Variants in PREX1 observed in about 807,000 individuals in gnomAD.
The protein encoded by PREX1 is phosphatidylinositol 3,4,5-trisphosphate-dependent Rac exchanger 1 protein.
Under a neutral mutation model 198.3 loss-of-function variants are expected in PREX1, and 41 were observed. That is an observed-to-expected ratio of 0.21 (90% confidence interval 0.16 to 0.27). The LOEUF (loss-of-function observed/expected upper bound fraction) is 0.27. Ranked by LOEUF, PREX1 falls within the 10% of genes least tolerant of loss-of-function variation. PREX1 has a pLI of 1.00. For synonymous variants in PREX1, 843 were observed against 887.2 expected, an observed-to-expected ratio of 0.95 and a Z score of 0.89; for missense variants, 1,620 against 2,200.7, an observed-to-expected ratio of 0.74 and a Z score of 5.28.
intron 1 of PREX1, among the ~76,000 whole-genome samples, chr20:48,764,739 G>A (rs1324000997): frequency 4.1e-5 from 6 of 144,916 alleles, no homozygotes; most frequent in Non-Finnish European, 7.5e-5. Flanking sequence ...CCAAGATAGC[G>A]CCACTACACT....
At chr20:48,752,700 C>A (rs1460926003) in intron 1 of PREX1, among the ~76,000 whole-genome samples, 1 of 152,124 alleles carries the variant, frequency 6.6e-6, no homozygotes, top group Non-Finnish European at 1.5e-5. Flanking sequence ...TTCTTGGCTG[C>A]CTTCTCCTCC....
the PREX1 span, among the ~76,000 whole-genome samples, chr20:48,847,881 TC>T: frequency 1.3e-5 from 2 of 152,250 alleles, no homozygotes; most frequent in Non-Finnish European, 2.9e-5. Flanking sequence ...CTTTTTTGTG[TC>T]TGGTTTCTTT....
intron 1 of PREX1, among the ~76,000 whole-genome samples, chr20:48,824,816 G>C (rs1030238340): frequency 1.3e-5 from 2 of 151,980 alleles, no homozygotes; most frequent in African/African-American, 4.8e-5. Context: ...TCCTCTCCTT[G>C]AGGACAGAAG....
chr20:48,853,314 T>C, the PREX1 span, among the ~76,000 whole-genome samples: 1 of 152,110 alleles, frequency 6.6e-6, no homozygotes, highest in Admixed American at 6.5e-5. Flanking sequence ...GGGTAATTTA[T>C]AAAGAAAAGA....
rs193013513 is a variant in PREX1, at chr20:48,677,279, T to C, written c.1590-1011A>G. Among the ~76,000 whole-genome samples, 696 of 152,254 alleles carry C rather than the reference T, an allele frequency of 4.6e-3. 1 individual carries two copies. The highest frequency in any genetic ancestry group is 0.01 in the Middle Eastern group (3 of 294). On this transcript the variant is annotated intron_variant, in intron 13 of 39. Transcript: ENST00000371941. ...AGGAGGGCGGAGGCAGGATGGCAGA[T>C]GAAAGTGGTTCCCAGGGCCTGACAT...
upstream of PREX1, among the ~76,000 whole-genome samples, chr20:48,832,735 G>A (rs1036966955): frequency 4.6e-5 from 7 of 152,192 alleles, no homozygotes; most frequent in African/African-American, 1.2e-4. Flanking sequence ...AAGTCAAAAC[G>A]TCTCTAAGGG....
At chr20:48,714,807 C>G (rs1009321688) in intron 5 of PREX1, among the ~76,000 whole-genome samples, 6 of 152,146 alleles carry the variant, frequency 3.9e-5, no homozygotes, top group African/African-American at 1.4e-4. Flanking sequence ...TGTAAGTCAG[C>G]TTGGGCTAGT....
rs1334641729 is a variant in PREX1, at chr20:48,642,120, C to T, written c.3775+48G>A. The T allele has an allele frequency of 2.5e-6, 4 of 1,582,472 alleles. No individual in the cohort carries two copies. The East Asian group carries it at 6.7e-5, about 27-fold the overall frequency. On this transcript the variant is annotated intron_variant, in intron 29 of 39. Transcript: ENST00000371941. Reference sequence around the variant, plus strand: ...AGCCCGGGTACGCCGCCCTGTCTAACACCCTTCCCCATCGCAGGCTGTCAC... The same window carrying T: ...AGCCCGGGTACGCCGCCCTGTCTAATACCCTTCCCCATCGCAGGCTGTCAC...
In PREX1 at chr20:48,645,931, G is replaced by A. The variant is rs1181397923; in HGVS notation, c.3432C>T (p.Ile1144=). The A allele has an allele frequency of 1.9e-6, 3 of 1,614,204 alleles. No homozygotes were observed. The Admixed American group carries it at 5.0e-5, about 27-fold the overall frequency. The change falls in exon 26 of 40, where the codon ATC becomes ATT. Residue 1144 remains isoleucine, a synonymous_variant. Transcript: ENST00000371941. ...CGGCCACCTTGAAGCACACCTTCTT[G>A]ATGCCCCCATGGTCACTCCTGTCCA... ...SEMDRSDHGG[I]KKVCFKVAEE...
At chr20:48,638,816 GA>G (rs2089386300) in intron 30 of PREX1, among the ~76,000 whole-genome samples, 1 of 152,226 alleles carries the variant, frequency 6.6e-6, no homozygotes, top group East Asian at 1.9e-4. Context: ...TTTGACACAG[GA>G]AGAAGCTAAG....
At chr20:48,689,275 G>A (rs1343793686) in intron 9 of PREX1, among the ~76,000 whole-genome samples, 2 of 152,124 alleles carry the variant, frequency 1.3e-5, no homozygotes, top group African/African-American at 4.8e-5. Context: ...ACATTTTTCT[G>A]TTTTGACCCC....
intron 1 of PREX1, among the ~76,000 whole-genome samples, chr20:48,763,190 C>G (rs1215510900): frequency 6.6e-6 from 1 of 152,214 alleles, no homozygotes; most frequent in Non-Finnish European, 1.5e-5. Flanking sequence ...ATCACGGGGG[C>G]ATGGGGAGAA....
intron 1 of PREX1, among the ~76,000 whole-genome samples, chr20:48,804,689 T>G (rs1351567598): frequency 6.6e-6 from 1 of 152,194 alleles, no homozygotes; most frequent in Non-Finnish European, 1.5e-5. Context: ...AGGAGACGAC[T>G]GCAAGAGTCC....
At chr20:48,652,197 C>T (rs1261227226) in intron 21 of PREX1, among the ~76,000 whole-genome samples, 1 of 152,104 alleles carries the variant, frequency 6.6e-6, no homozygotes, top group Non-Finnish European at 1.5e-5. Flanking sequence ...TCTGCGAGGC[C>T]GAGGCAAGAA....
chr20:48,778,711 T>C (rs961357446), intron 1 of PREX1, among the ~76,000 whole-genome samples: 21 of 152,198 alleles, frequency 1.4e-4, no homozygotes, highest in African/African-American at 4.6e-4. Context: ...CACACAAATA[T>C]GGCCGTTTGA....
At chr20:48,646,205 C>T (rs2089449945) in intron 25 of PREX1, 148 bp from the exon 26 acceptor site, 1 of 757,780 alleles carries the variant, frequency 1.3e-6, no homozygotes, top group Non-Finnish European at 2.2e-6. Flanking sequence ...CCAAGCTACA[C>T]AAGGCTCTAC....
chr20:48,874,919 C>A, the PREX1 span, among the ~76,000 whole-genome samples: 1 of 151,730 alleles, frequency 6.6e-6, no homozygotes, highest in South Asian at 2.1e-4. Flanking sequence ...GTGGGATGTG[C>A]TAGTGTAAGC....
chr20:48,692,667 G>A lies in PREX1; in HGVS notation c.1036+5C>T. ...GGGCTCAGGCAAGGCTGGGGGAGGGGCTACCTGTCCCATCTTCCACATTCT... is the reference window on the plus strand; with the variant it reads ...GGGCTCAGGCAAGGCTGGGGGAGGGACTACCTGTCCCATCTTCCACATTCT... On this transcript the variant is annotated splice_donor_5th_base_variant and intron_variant, in intron 8 of 39. Coordinates refer to ENST00000371941, the MANE Select transcript of PREX1 (RefSeq NM_020820.4). 1.2e-6 allele frequency: 2 copies of A among 1,611,694 alleles called. No individual in the cohort carries two copies. Among genetic ancestry groups the A allele is most frequent in the Non-Finnish European group, 8.5e-7 (1 of 1,177,858 alleles).
intron 6 of PREX1, among the ~76,000 whole-genome samples, chr20:48,703,614 G>A (rs979482503): frequency 2.0e-5 from 3 of 152,140 alleles, no homozygotes; most frequent in Non-Finnish European, 4.4e-5. Context: ...AGCTCTTCCA[G>A]GCTCCAAAGG....
Sources: allele counts gnomAD v4.1 joint callset (sites outside exome capture counted in the v4.1 genomes callset), GRCh38; gene constraint gnomAD v4.1.1; transcripts MANE v1.5; gene names NCBI Gene and HGNC (gene_info 2026-07-23, HGNC 2026-07-21).